Variants in PCLO observed in about 807,000 individuals in gnomAD.
The protein encoded by PCLO is protein piccolo.
In PCLO, 82 loss-of-function variants were observed where a neutral mutation model predicts 427.5. The ratio of observed to expected loss-of-function variants is 0.19; its 90% CI spans 0.16 to 0.23. The LOEUF (loss-of-function observed/expected upper bound fraction) is 0.23, where lower values mean the gene tolerates loss of function less well. Ranked by LOEUF, PCLO falls within the 10% of genes least tolerant of loss-of-function variation. The pLI is 1.00. For synonymous variants in PCLO, 2,357 were observed against 2,155.4 expected, an observed-to-expected ratio of 1.09 and a Z score of -2.59; for missense variants, 6,239 against 6,115.9, an observed-to-expected ratio of 1.02 and a Z score of -0.67.
intron 9 of PCLO, among the ~76,000 whole-genome samples, chr7:82,895,352 T>A (rs1453331862): frequency 6.6e-6 from 1 of 151,952 alleles, no homozygotes; most frequent in Non-Finnish European, 1.5e-5. Context: ...TAGTTTTAAA[T>A]GTCTATGTCA....
chr7:83,160,472 C>T (rs973718043), intron 1 of PCLO, among the ~76,000 whole-genome samples: 16 of 151,966 alleles, frequency 1.1e-4, no homozygotes, highest in Non-Finnish European at 2.2e-4. Flanking sequence ...GGGAAAATAA[C>T]TTTTAAAAAG....
chr7:83,098,847 T>C (rs139296275), intron 3 of PCLO, among the ~76,000 whole-genome samples: 2 of 152,048 alleles, frequency 1.3e-5, no homozygotes, highest in African/African-American at 4.8e-5. Context: ...TGAGTTAGTG[T>C]AGAAAAAAAG....
chr7:83,095,312 AC>A (rs1790505166), intron 3 of PCLO, among the ~76,000 whole-genome samples: 1 of 151,946 alleles, frequency 6.6e-6, no homozygotes, highest in African/African-American at 2.4e-5. Flanking sequence ...TTGTTTCATT[AC>A]TGATAGTGGT....
rs545354229 is a variant in PCLO at position 82,919,734 on chromosome 7, C to T, written c.11113-2861G>A. Among the ~76,000 whole-genome samples the T allele has an allele frequency of 6.4e-4, 98 of 152,036 alleles. No homozygotes were observed. In the South Asian group the frequency reaches 0.019, roughly 30 times the overall value. ...AAGAAAAACTTCAGTCCTTTATTAG[C>T]GTTTTCTGCCATCTTTTGGTTAAAT... On this transcript the variant is annotated intron_variant, in intron 6 of 24. Coordinates refer to ENST00000333891, the MANE Select transcript of PCLO (RefSeq NM_033026.6).
chr7:82,861,985 A>G (rs567630914), intron 10 of PCLO, among the ~76,000 whole-genome samples: 71 of 152,104 alleles, frequency 4.7e-4, no homozygotes, highest in African/African-American at 1.7e-3. Flanking sequence ...GTTTATAGCT[A>G]TAAGTGTCTA....
At chr7:83,021,289 T>C (rs146168227) in intron 3 of PCLO, among the ~76,000 whole-genome samples, 2 of 152,286 alleles carry the variant, frequency 1.3e-5, no homozygotes, top group East Asian at 3.9e-4. Flanking sequence ...CCTGTTGTCT[T>C]GGTGTATTGG....
At chr7:82,917,916 C>A (rs1794504896) in intron 6 of PCLO, among the ~76,000 whole-genome samples, 2 of 151,934 alleles carry the variant, frequency 1.3e-5, no homozygotes, top group African/African-American at 4.8e-5. Context: ...AGACTCTGTA[C>A]TTTCATTGCC....
intron 3 of PCLO, among the ~76,000 whole-genome samples, chr7:83,098,651 A>AT (rs1790656015): frequency 6.6e-6 from 1 of 151,876 alleles, no homozygotes; most frequent in South Asian, 2.1e-4. Context: ...GTTCATTAAA[A>AT]AATTGCACAT....
intron 2 of PCLO, among the ~76,000 whole-genome samples, chr7:83,148,282 G>A (rs1792044300): frequency 6.6e-6 from 1 of 152,176 alleles, no homozygotes; most frequent in Non-Finnish European, 1.5e-5. Flanking sequence ...AGAAGGGAGT[G>A]AGGGAACCCT....
chr7:83,134,914 G>A lies in PCLO; in HGVS notation c.2636C>T (p.Pro879Leu), dbSNP rs1562983254. ...KPMPKGSPTP[P>L]GPRPTAGQTV... The stretch of plus-strand genomic sequence containing the variant: ...TTGGCCAGCGGTAGGTCGTGGGCCA[G>A]GGGGTGTTGGTGACCCTTTTGGCAT... The change falls in exon 3 of 25, where the codon CCT becomes CTT. Residue 879 changes from proline (P) to leucine (L), a missense_variant. Physicochemically the swap from Pro to Leu is moderately conservative, Grantham distance 98 (BLOSUM62 -3). Coordinates refer to ENST00000333891, the MANE Select transcript of PCLO (RefSeq NM_033026.6). The A allele has an allele frequency of 6.2e-7, 1 of 1,603,276 alleles. No homozygotes were observed. Among genetic ancestry groups the A allele is most frequent in the African/African-American group, 1.3e-5 (1 of 74,596 alleles).
chr7:82,827,960 C>A lies in PCLO; in HGVS notation c.14256G>T (p.Glu4752Asp), dbSNP rs1791990535. 6.3e-7 allele frequency: 1 copy of A among 1,579,884 alleles called. No individual in the cohort carries two copies. Among genetic ancestry groups the A allele is most frequent in the Non-Finnish European group, 8.7e-7 (1 of 1,150,760 alleles). Residue 4752 changes from glutamate to aspartate, a missense_variant, in exon 17 of 25, where the codon GAG becomes GAT. Transcript: ENST00000333891. ...QVMVVQNASA[E>D]YKRRTKHVQK... ...GGACATGTTTAGTCCTTCTCTTGTA[C>A]TCAGCACTGAATTGGGAGAAAAGAA...
intron 22 of PCLO, among the ~76,000 whole-genome samples, chr7:82,786,471 T>C (rs1030467830): frequency 6.6e-6 from 1 of 152,218 alleles, no homozygotes; most frequent in African/African-American, 2.4e-5. Context: ...TTAAGGAACA[T>C]AAAATTGTAT....
At chr7:82,879,963 T>C in intron 9 of PCLO, 6 of 376,568 alleles carry the variant, frequency 1.6e-5, no homozygotes, top group Non-Finnish European at 3.1e-5. Flanking sequence ...ACTAATATTG[T>C]TTGTGTATTA....
At chr7:83,103,918 A>G (rs1783057345) in intron 3 of PCLO, among the ~76,000 whole-genome samples, 2 of 151,994 alleles carry the variant, frequency 1.3e-5, no homozygotes, top group African/African-American at 4.8e-5. Context: ...ATAAAATTAC[A>G]ATTTCAGAAA....
chr7:82,838,177 G>T lies in PCLO; in HGVS notation c.14222+41C>A, dbSNP rs775427372. ...AAAGAGTAGAAAATACTATACTATT[G>T]TTTTAAAGCATGAGATGAAGTACTT... On this transcript the variant is annotated intron_variant, in intron 15 of 24. Coordinates refer to ENST00000333891, the MANE Select transcript of PCLO (RefSeq NM_033026.6). 8 of 1,459,526 alleles carry T rather than the reference G, an allele frequency of 5.5e-6. No homozygotes were observed. The South Asian group carries it at 9.7e-5, about 18-fold the overall frequency. The allele number at this position is 1,459,526 out of a possible 1,614,324, so 90.4% of individuals were successfully genotyped here. A position where few individuals can be genotyped will look rare whatever the true frequency, so the allele number is the denominator to read the frequency against.
intron 3 of PCLO, among the ~76,000 whole-genome samples, chr7:82,999,321 TGTA>T: frequency 7.2e-6 from 1 of 139,118 alleles, no homozygotes; most frequent in African/African-American, 2.7e-5. Flanking sequence ...TATATGGATA[TGTA>T]ATAAATATAT....
At chr7:82,877,740 AC>A (rs1330641716) in intron 10 of PCLO, among the ~76,000 whole-genome samples, 8 of 152,234 alleles carry the variant, frequency 5.3e-5, no homozygotes, top group Admixed American at 2.0e-4. Flanking sequence ...ATCTTGGCTT[AC>A]TGCAACCTCC....
chr7:82,981,058 C>T (rs1199814008), intron 3 of PCLO, among the ~76,000 whole-genome samples: 1 of 152,038 alleles, frequency 6.6e-6, no homozygotes, highest in East Asian at 1.9e-4. Flanking sequence ...ACTGCATGTT[C>T]TGCACATGTA....
rs1795817751 is a variant in PCLO at position 82,967,995 on chromosome 7, A to T, written c.3301-1508T>A. On this transcript the variant is annotated intron_variant, in intron 3 of 24. Coordinates refer to ENST00000333891, the MANE Select transcript of PCLO (RefSeq NM_033026.6). ...GTTGCTTATCTTAAAGTATTTAGAT[A>T]AAAAAATCACTTATTGCTCTAGAAT... 3.3e-5 allele frequency among the ~76,000 whole-genome samples: 5 copies of T among 152,182 alleles called. No individual in the cohort carries two copies. In the South Asian group the frequency reaches 1.0e-3, roughly 31 times the overall value.
Sources: allele counts gnomAD v4.1 joint callset (sites outside exome capture counted in the v4.1 genomes callset), GRCh38; gene constraint gnomAD v4.1.1; transcripts MANE v1.5; gene names NCBI Gene and HGNC (gene_info 2026-07-23, HGNC 2026-07-21).